The following TMED10 variants were observed in gnomAD, a reference collection of about 807,000 sequenced individuals.
TMED10 encodes transmembrane p24 trafficking protein 10.
A neutral mutation model predicts 23.1 loss-of-function variants in TMED10; 7 were observed. That is an observed-to-expected ratio of 0.30 (90% confidence interval 0.17 to 0.57). The LOEUF is 0.57. TMED10 is among the 20% of genes least tolerant of loss of function. The pLI is 0.91. For synonymous variants in TMED10, 113 were observed against 106.9 expected (o/e 1.06, Z -0.35); for missense variants, 162 against 274.8 (o/e 0.59, Z 2.90).
At chr14:75,153,205 C>G (rs1895976277) in intron 1 of TMED10, among the ~76,000 whole-genome samples, 1 of 151,982 alleles carries the variant, frequency 6.6e-6, no homozygotes, top group Non-Finnish European at 1.5e-5. Context: ...TGGTGCGCAC[C>G]TATAGTCCCA....
rs769529409 is a variant in TMED10 at position 75,135,894 on chromosome 14, AGAATG to A, written c.412-13_412-9del. Reference sequence around the variant, plus strand: ...CTTCTCAACTTTTGCAATCTGGAAAAGAATGGAATATTTTCAGCTCTCTGAAAACA... The same window carrying A: ...CTTCTCAACTTTTGCAATCTGGAAAAGAATATTTTCAGCTCTCTGAAAACA... On this transcript the variant is annotated splice_polypyrimidine_tract_variant and intron_variant, in intron 3 of 4. Coordinates refer to ENST00000303575, the MANE Select transcript of TMED10 (RefSeq NM_006827.6). 1 of 1,613,464 alleles carries A rather than the reference AGAATG, an allele frequency of 6.2e-7. No individual in the cohort carries two copies. Among genetic ancestry groups the A allele is most frequent in the Non-Finnish European group, 8.5e-7 (1 of 1,179,858 alleles).
chr14:75,142,566 T>TA (rs1289428789), intron 3 of TMED10, among the ~76,000 whole-genome samples: 1 of 152,238 alleles, frequency 6.6e-6, no homozygotes, highest in African/African-American at 2.4e-5. Flanking sequence ...CTACAACACA[T>TA]ACTGTGTCAC....
At chr14:75,135,152 T>C (rs1222123316) in intron 4 of TMED10, 146 bp from the exon 5 acceptor site, 2 of 1,089,694 alleles carry the variant, frequency 1.8e-6, no homozygotes, top group Non-Finnish European at 2.6e-6. Context: ...TTTTTCTTTT[T>C]AAGTTCATTA....
At chr14:75,158,856 G>A (rs1193187458) in intron 1 of TMED10, among the ~76,000 whole-genome samples, 2 of 152,086 alleles carry the variant, frequency 1.3e-5, no homozygotes, top group African/African-American at 4.8e-5. Context: ...CCCGGGAGAT[G>A]GAGGTTGTGG....
At chr14:75,155,859 C>T (rs950189649) in intron 1 of TMED10, among the ~76,000 whole-genome samples, 2 of 152,150 alleles carry the variant, frequency 1.3e-5, no homozygotes, top group East Asian at 1.9e-4. Context: ...CTAGTATTTA[C>T]TGAATACTTA....
In TMED10 at chr14:75,147,730, C is replaced by T; in HGVS notation, c.345G>A (p.Gly115=). The change falls in exon 3 of 5, where the codon GGG becomes GGA. Residue 115 remains glycine (G), a synonymous_variant. Coordinates refer to ENST00000303575, the MANE Select transcript of TMED10 (RefSeq NM_006827.6). The part of the protein sequence containing the change: ...FEVCFESKGT[G]RIPDQLVILD... ...GGATCACGAGTTGGTCAGGTATCCG[C>T]CCTGTTCCTGAGAAAGAAATCAAAG... 1.9e-6 allele frequency: 3 copies of T among 1,614,076 alleles called. No homozygotes were observed. The highest frequency in any genetic ancestry group is 1.7e-6 in the Non-Finnish European group (2 of 1,180,022).
At chr14:75,144,144 A>T (rs1895855340) in intron 3 of TMED10, among the ~76,000 whole-genome samples, 1 of 152,212 alleles carries the variant, frequency 6.6e-6, no homozygotes, top group Admixed American at 6.5e-5. Flanking sequence ...CACACAGCCC[A>T]GGAGTTAGAA....
intron 3 of TMED10, chr14:75,138,945 A>G (rs1251544983): frequency 1.5e-5 from 4 of 263,766 alleles, no homozygotes; most frequent in Non-Finnish European, 3.0e-5. Flanking sequence ...ACAGCCCCCC[A>G]CAAGCTGTTC....
At chr14:75,156,904 C>G (rs1359591033) in intron 1 of TMED10, among the ~76,000 whole-genome samples, 2 of 79,078 alleles carry the variant, frequency 2.5e-5, no homozygotes, top group Non-Finnish European at 5.3e-5. Flanking sequence ...CAGAGCAAGA[C>G]TCCGTCTCAA....
intron 1 of TMED10, among the ~76,000 whole-genome samples, chr14:75,152,758 G>A (rs149216039): frequency 3.2e-4 from 49 of 152,282 alleles, no homozygotes; most frequent in African/African-American, 1.1e-3. Flanking sequence ...TTCTGGCCAG[G>A]CATGGTGGCT....
chr14:75,142,898 A>G (rs1245633692), intron 3 of TMED10, among the ~76,000 whole-genome samples: 1 of 151,698 alleles, frequency 6.6e-6, no homozygotes, highest in East Asian at 1.9e-4. Flanking sequence ...TTGCTTTGTC[A>G]CCCATGCTGG....
chr14:75,158,422 G>A (rs1323243351), intron 1 of TMED10, among the ~76,000 whole-genome samples: 2 of 152,130 alleles, frequency 1.3e-5, no homozygotes, highest in Non-Finnish European at 2.9e-5. Context: ...CAACCTCGTA[G>A]GCTCAAGCCA....
In TMED10 at chr14:75,137,965, T is replaced by TC. The variant is rs1319788976; in HGVS notation, c.412-2080dup. Among the ~76,000 whole-genome samples the TC allele has an allele frequency of 1.4e-4, 21 of 152,232 alleles. No homozygotes were observed. The East Asian group carries it at 4.1e-3, about 30-fold the overall frequency. On this transcript the variant is annotated intron_variant, in intron 3 of 4. Transcript: ENST00000303575. ...CTCAGGTGATCCATCCACCTCGACC[T>TC]CCCAAAGTGCTGGGATTACAGGCGT...
intron 1 of TMED10, among the ~76,000 whole-genome samples, chr14:75,164,279 T>C (rs1210973507): frequency 6.8e-6 from 1 of 146,218 alleles, no homozygotes; most frequent in Non-Finnish European, 1.5e-5. Context: ...TTGCTCAGGC[T>C]GGAGTGCAGT....
chr14:75,134,495 T>G lies in TMED10; in HGVS notation c.*390A>C, dbSNP rs555008675. The G allele has an allele frequency of 5.6e-4, 92 of 162,924 alleles. 1 individual carries two copies. The highest frequency in any genetic ancestry group is 6.8e-4 in the Non-Finnish European group (50 of 74,070). The allele number at this position is 162,924 out of a possible 1,614,324, so 10.1% of individuals were successfully genotyped here. On this transcript the variant is annotated 3_prime_UTR_variant, in exon 5 of 5. Coordinates refer to ENST00000303575, the MANE Select transcript of TMED10 (RefSeq NM_006827.6). ...AGTCAACATGGTCACACAAAAATCT[T>G]GGTAAAAGAACTAGAATGGAAGCCC...
chr14:75,148,293 T>C (rs551024842), intron 2 of TMED10, among the ~76,000 whole-genome samples: 15 of 152,240 alleles, frequency 9.9e-5, no homozygotes, highest in African/African-American at 2.4e-4. Flanking sequence ...TTATCTAATA[T>C]TCCACTTTAA....
chr14:75,149,299 G>T (rs886711635), intron 2 of TMED10, among the ~76,000 whole-genome samples: 3 of 152,184 alleles, frequency 2.0e-5, no homozygotes, highest in Non-Finnish European at 2.9e-5. Flanking sequence ...ATAGAAGTAG[G>T]TTTGTTATAA....
At chr14:75,170,647 T>A (rs911323968) in intron 1 of TMED10, among the ~76,000 whole-genome samples, 3 of 152,054 alleles carry the variant, frequency 2.0e-5, no homozygotes, top group South Asian at 2.1e-4. Context: ...TAAAATACTT[T>A]AAAAAAAAAC....
chr14:75,140,621 T>C (rs560520954), intron 3 of TMED10, among the ~76,000 whole-genome samples: 1 of 152,242 alleles, frequency 6.6e-6, no homozygotes, highest in South Asian at 2.1e-4. Context: ...GGCACGAGAA[T>C]CCTTTGAACC....
Sources: allele counts gnomAD v4.1 joint callset (sites outside exome capture counted in the v4.1 genomes callset), GRCh38; gene constraint gnomAD v4.1.1; transcripts MANE v1.5; gene names NCBI Gene and HGNC (gene_info 2026-07-23, HGNC 2026-07-21).